The following ECHDC3 variants were observed in gnomAD, a reference collection of about 807,000 sequenced individuals.
ECHDC3 encodes the protein enoyl-CoA hydratase domain-containing protein 3, mitochondrial.
In ECHDC3, 20 loss-of-function variants were observed where a neutral mutation model predicts 17.9. The ratio of observed to expected loss-of-function variants is 1.12; its 90% CI spans 0.79 to 1.63. The LOEUF is 1.63. ECHDC3 is among the 40% of genes most tolerant of loss of function. The pLI is 0.00. For synonymous variants in ECHDC3, 177 were observed against 149.7 expected (o/e 1.18, Z -1.33); for missense variants, 407 against 357.7 (o/e 1.14, Z -1.11).
intron 2 of ECHDC3, 64 bp downstream of exon 2, chr10:11,747,534 T>C: frequency 1.3e-6 from 2 of 1,565,118 alleles, no homozygotes; most frequent in East Asian, 4.5e-5. Flanking sequence ...GAGTCTTTAG[T>C]AAACTGGGGC....
intron 1 of ECHDC3, among the ~76,000 whole-genome samples, chr10:11,744,499 C>T (rs1389868096): frequency 6.6e-6 from 1 of 152,196 alleles, no homozygotes. Context: ...TAATGATCTT[C>T]AGACAGCTCA....
At chr10:11,759,117 G>A (rs1338675009) in intron 4 of ECHDC3, among the ~76,000 whole-genome samples, 1 of 152,214 alleles carries the variant, frequency 6.6e-6, no homozygotes, top group Admixed American at 6.5e-5. Flanking sequence ...ACCGTGGGAG[G>A]CCAAGGCGGG....
chr10:11,746,518 G>T (rs926841742), intron 1 of ECHDC3, among the ~76,000 whole-genome samples: 1 of 152,132 alleles, frequency 6.6e-6, no homozygotes, highest in African/African-American at 2.4e-5. Context: ...AAGGATAAAT[G>T]CTTGAAGGGA....
At chr10:11,757,939 C>G (rs1490226193) in intron 4 of ECHDC3, among the ~76,000 whole-genome samples, 1 of 152,182 alleles carries the variant, frequency 6.6e-6, no homozygotes, top group Non-Finnish European at 1.5e-5. Context: ...CATGTGAACC[C>G]ATCCACGGAC....
chr10:11,757,607 G>A (rs1200574330), intron 4 of ECHDC3, among the ~76,000 whole-genome samples: 87 of 151,860 alleles, frequency 5.7e-4, no homozygotes, highest in Non-Finnish European at 8.8e-5. Context: ...CTGGAGACTC[G>A]CCAGTTTTTT....
chr10:11,745,579 G>C (rs888061259), intron 1 of ECHDC3, among the ~76,000 whole-genome samples: 1 of 152,196 alleles, frequency 6.6e-6, no homozygotes, highest in African/African-American at 2.4e-5. Flanking sequence ...TCCAAAGAAA[G>C]TGGTTATTCT....
At position 11,743,868 on chromosome 10, in the gene ECHDC3, C is replaced by T. The variant is rs570496806; in HGVS notation, c.170+1122C>T. On this transcript the variant is annotated intron_variant, in intron 1 of 4. Transcript: ENST00000379215. ...GGCGGCCAGATGGCAAAAAGGAGGC[C>T]GGTCGAGTTCTCCAGAATTAAATAT... Among the ~76,000 whole-genome samples, 44 of 152,310 alleles carry T rather than the reference C, an allele frequency of 2.9e-4. No individual in the cohort carries two copies. The South Asian group carries it at 4.1e-3, about 14-fold the overall frequency.
rs138027993 is a variant in ECHDC3, at chr10:11,757,031, G to A, written c.591+1423G>A. Reference sequence around the variant, plus strand: ...ATTACAGGCGTGAGCCGCCGCACCTGGCCCATTCAGTAAATATTTCTTAAG... The same window carrying A: ...ATTACAGGCGTGAGCCGCCGCACCTAGCCCATTCAGTAAATATTTCTTAAG... On this transcript the variant is annotated intron_variant, in intron 4 of 4. Coordinates refer to ENST00000379215, the MANE Select transcript of ECHDC3 (RefSeq NM_024693.5). Among the ~76,000 whole-genome samples, 966 of 152,302 alleles carry A rather than the reference G, an allele frequency of 6.3e-3. 7 individuals are homozygous for A. The highest frequency in any genetic ancestry group is 0.022 in the African/African-American group (894 of 41,558).
rs2133794031 is a variant in ECHDC3, at chr10:11,757,743, A to G, written c.591+2135A>G. ...GCTTGGGGTCAACACTGAAAAGCAGAAATCACAGTACTGATAATGGGAATT... is the reference window on the plus strand; with the variant it reads ...GCTTGGGGTCAACACTGAAAAGCAGGAATCACAGTACTGATAATGGGAATT... On this transcript the variant is annotated intron_variant, in intron 4 of 4. Transcript: ENST00000379215. 1.3e-5 allele frequency among the ~76,000 whole-genome samples: 2 copies of G among 152,356 alleles called. 1 individual carries two copies. The highest frequency in any genetic ancestry group is 4.8e-5 in the African/African-American group (2 of 41,582).
rs1488363786 is a variant in ECHDC3, at chr10:11,742,474, C to T, written c.-103C>T. ...GGTCTCGGCCACCGTCGAGTTCCGT[C>T]GAGTTCCGTCCCGGCCCTGCTCACA... On this transcript the variant is annotated 5_prime_UTR_variant, in exon 1 of 5. Transcript: ENST00000379215. 2.2e-5 allele frequency: 25 copies of T among 1,138,480 alleles called. No homozygotes were observed. Among genetic ancestry groups the T allele is most frequent in the African/African-American group, 3.2e-5 (2 of 61,982 alleles). The allele number at this position is 1,138,480 out of a possible 1,614,324, so 70.5% of individuals were successfully genotyped here.
intron 1 of ECHDC3, among the ~76,000 whole-genome samples, chr10:11,746,359 G>A (rs1374720462): frequency 6.8e-6 from 1 of 146,466 alleles, no homozygotes; most frequent in Admixed American, 6.8e-5. Flanking sequence ...AAAAAAAGAT[G>A]GAGTGGGTAC....
intron 2 of ECHDC3, among the ~76,000 whole-genome samples, chr10:11,748,016 AT>A: frequency 6.6e-6 from 1 of 152,360 alleles, no homozygotes; most frequent in East Asian, 1.9e-4. Flanking sequence ...ACACAAAAAA[AT>A]ATGATGATGA....
chr10:11,763,631 C>T lies in ECHDC3; in HGVS notation c.*87C>T, dbSNP rs1239658334. The T allele has an allele frequency of 4.2e-6, 6 of 1,435,390 alleles. No individual in the cohort carries two copies. The African/African-American group carries it at 8.6e-5, about 21-fold the overall frequency. The allele number at this position is 1,435,390 out of a possible 1,614,324, so 88.9% of individuals were successfully genotyped here. A position where few individuals can be genotyped will look rare whatever the true frequency, so the allele number is the denominator to read the frequency against. On this transcript the variant is annotated 3_prime_UTR_variant, in exon 5 of 5. Transcript: ENST00000379215. This position sits in a 1 kb window ranked among gnomAD's most constrained non-coding sequence, Gnocchi z 4.9. ...AGCCACCACTGCCTCTCAGCTTCAA[C>T]AGGTGACAGGCTGCTTTCGTGACTT...
intron 4 of ECHDC3, among the ~76,000 whole-genome samples, chr10:11,762,526 C>T (rs79044909): frequency 0.028 from 4,229 of 152,228 alleles, 80 homozygotes; most frequent in Middle Eastern, 0.058. Flanking sequence ...GGCTTGGTAG[C>T]GTGCAACAGA....
At chr10:11,758,258 G>A (rs1832906401) in intron 4 of ECHDC3, among the ~76,000 whole-genome samples, 1 of 152,164 alleles carries the variant, frequency 6.6e-6, no homozygotes, top group Non-Finnish European at 1.5e-5. Context: ...TCTAAATAAT[G>A]CATCTTTCTG....
intron 4 of ECHDC3, among the ~76,000 whole-genome samples, chr10:11,758,640 C>T (rs1393630901): frequency 6.6e-6 from 1 of 152,208 alleles, no homozygotes; most frequent in African/African-American, 2.4e-5. Context: ...AGTTCCACAC[C>T]CAGTTTGCAA....
chr10:11,750,975 A>G (rs1163104579), intron 3 of ECHDC3, among the ~76,000 whole-genome samples: 1 of 152,238 alleles, frequency 6.6e-6, no homozygotes, highest in Non-Finnish European at 1.5e-5. Flanking sequence ...AAACAGGAAC[A>G]GCAATTTACT....
chr10:11,747,065 C>G (rs1028178243), intron 1 of ECHDC3, among the ~76,000 whole-genome samples: 1 of 152,148 alleles, frequency 6.6e-6, no homozygotes, highest in African/African-American at 2.4e-5. Context: ...GCATTGCCCT[C>G]TCCGTGGAGG....
chr10:11,760,771 G>A (rs1387862148), intron 4 of ECHDC3, among the ~76,000 whole-genome samples: 1 of 152,224 alleles, frequency 6.6e-6, no homozygotes, highest in Admixed American at 6.5e-5. Flanking sequence ...ATGGAGCAGA[G>A]CACTGTCCTG....
Sources: gnomAD v4.1 joint callset for allele counts (sites outside exome capture counted in the v4.1 genomes callset) on GRCh38, gnomAD v4.1.1 for gene constraint, Gnocchi (gnomAD v3.1) non-coding constraint, MANE v1.5 for transcripts, NCBI Gene and HGNC (gene_info 2026-07-23, HGNC 2026-07-21) for gene names.